Variants in BNC2 observed in about 807,000 individuals in gnomAD.
BNC2 encodes the protein zinc finger protein basonuclin-2.
A neutral mutation model predicts 76.3 loss-of-function variants in BNC2; 20 were observed. That is an observed-to-expected ratio of 0.26 (90% CI 0.18 to 0.38). The LOEUF is 0.38. Among genes scored for constraint, BNC2 ranks in the 10% least tolerant of loss-of-function variants. The probability of loss-of-function intolerance (pLI) is 1.00; values close to 1 mark genes in which losing one functional copy is unlikely to be tolerated. For synonymous variants in BNC2, 582 were observed against 514.8 expected (o/e 1.13, Z -1.77); for missense variants, 1,382 against 1,399.8 (o/e 0.99, Z 0.20).
chr9:16,759,896 T>G (rs1385258066), intron 1 of BNC2, among the ~76,000 whole-genome samples: 1 of 152,114 alleles, frequency 6.6e-6, no homozygotes, highest in Non-Finnish European at 1.5e-5. Context: ...GCTAATTTTT[T>G]GTATTTTCAG....
rs34820417 is a variant in BNC2 at position 16,749,795 on chromosome 9, G to A, written c.4-11310C>T. On this transcript the variant is annotated intron_variant, in intron 1 of 6. Coordinates refer to ENST00000380672, the MANE Select transcript of BNC2 (RefSeq NM_017637.6). ...TTAATAAGACATGAGATTAGAAAGCGTATATACAGGCAAACTGTAGAGGCC... is the reference window on the plus strand; with the variant it reads ...TTAATAAGACATGAGATTAGAAAGCATATATACAGGCAAACTGTAGAGGCC... Among the ~76,000 whole-genome samples the A allele has an allele frequency of 9.9e-5, 15 of 152,090 alleles. 1 individual carries two copies. The East Asian group carries it at 1.3e-3, about 14-fold the overall frequency.
chr9:16,600,965 T>C (rs1390285343), intron 3 of BNC2, among the ~76,000 whole-genome samples: 1 of 152,160 alleles, frequency 6.6e-6, no homozygotes, highest in East Asian at 1.9e-4. Flanking sequence ...TTGCTTTAAT[T>C]TGGGATCACA....
intron 1 of BNC2, among the ~76,000 whole-genome samples, chr9:16,758,732 T>C (rs913813659): frequency 2.6e-5 from 4 of 152,144 alleles, no homozygotes; most frequent in Non-Finnish European, 1.5e-5. Context: ...TACAAAAATG[T>C]TAGGTTAGCA....
chr9:16,629,719 T>C (rs2133713044), intron 3 of BNC2, among the ~76,000 whole-genome samples: 1 of 152,310 alleles, frequency 6.6e-6, no homozygotes, highest in African/African-American at 2.4e-5. Flanking sequence ...CTGTAGTCTA[T>C]TAAGTGTGCA....
intron 3 of BNC2, among the ~76,000 whole-genome samples, chr9:16,590,354 G>T (rs1463639747): frequency 6.6e-6 from 1 of 151,904 alleles, no homozygotes; most frequent in African/African-American, 2.4e-5. Context: ...CATCATGGCT[G>T]GCTAATTTTG....
At chr9:16,752,048 A>G (rs1415386007) in intron 1 of BNC2, among the ~76,000 whole-genome samples, 1 of 152,144 alleles carries the variant, frequency 6.6e-6, no homozygotes, top group East Asian at 1.9e-4. Flanking sequence ...TTTCATCTTA[A>G]TAACATAAAG....
At position 16,419,484 on chromosome 9, in the gene BNC2, G is replaced by A; in HGVS notation, c.2805C>T (p.Ala935=). ...HPMGLDVRED[A]SSPAGTEDSH... is the part of the protein sequence containing the mutation. ...AGTCTTCAGTCCCTGCGGGAGAGGA[G>A]GCGTCTTCCCTGACATCGAGCCCCA... Residue 935 remains alanine (A), a synonymous_variant, in exon 7 of 7, where the codon GCC becomes GCT. Coordinates refer to ENST00000380672, the MANE Select transcript of BNC2 (RefSeq NM_017637.6). 1 of 1,614,110 alleles carries A rather than the reference G, an allele frequency of 6.2e-7. No individual in the cohort carries two copies. Among genetic ancestry groups the A allele is most frequent in the Non-Finnish European group, 8.5e-7 (1 of 1,180,000 alleles).
intron 1 of BNC2, among the ~76,000 whole-genome samples, chr9:16,836,070 A>G (rs1818699318): frequency 6.6e-6 from 1 of 152,196 alleles, no homozygotes; most frequent in African/African-American, 2.4e-5. Flanking sequence ...TAATCTCTAA[A>G]GGCCTACAGG....
At chr9:16,777,248 G>A (rs1193777131) in intron 1 of BNC2, among the ~76,000 whole-genome samples, 1 of 152,144 alleles carries the variant, frequency 6.6e-6, no homozygotes, top group African/African-American at 2.4e-5. Context: ...AATGGATGTG[G>A]GGGTATGAAC....
In BNC2 at chr9:16,739,844, T is replaced by C. The variant is rs1305358869; in HGVS notation, c.4-1359A>G. Among the ~76,000 whole-genome samples the C allele has an allele frequency of 7.2e-5, 11 of 151,892 alleles. No homozygotes were observed. The East Asian group carries it at 1.9e-3, about 27-fold the overall frequency. ...TTCTAATAGTCTGAGCACAGGAAAA[T>C]GGTAGCATTATCAACAGAAAGGGGG... is the stretch of plus-strand genomic sequence containing the variant. On this transcript the variant is annotated intron_variant, in intron 1 of 6. Transcript: ENST00000380672.
At chr9:16,499,993 T>A (rs1822484834) in intron 5 of BNC2, among the ~76,000 whole-genome samples, 1 of 152,082 alleles carries the variant, frequency 6.6e-6, no homozygotes, top group African/African-American at 2.4e-5. Flanking sequence ...AATCCCAGAC[T>A]ATGAAATGGG....
At chr9:16,837,364 C>T (rs1301942668) in intron 1 of BNC2, among the ~76,000 whole-genome samples, 6 of 152,022 alleles carry the variant, frequency 3.9e-5, no homozygotes, top group African/African-American at 1.4e-4. Context: ...ATTAGCCGAG[C>T]GTGGTGGCAG....
At chr9:16,670,299 T>C (rs912977693) in intron 3 of BNC2, among the ~76,000 whole-genome samples, 1 of 152,022 alleles carries the variant, frequency 6.6e-6, no homozygotes, top group Admixed American at 6.6e-5. Context: ...ATTTAGAATA[T>C]ACATATAGAA....
chr9:16,842,518 T>C (rs1174974415), intron 1 of BNC2, among the ~76,000 whole-genome samples: 1 of 152,160 alleles, frequency 6.6e-6, no homozygotes, highest in Non-Finnish European at 1.5e-5. Flanking sequence ...AGGATAGAGT[T>C]TCTCTGTGGA....
At chr9:16,642,583 T>C (rs1030410330) in intron 3 of BNC2, among the ~76,000 whole-genome samples, 1 of 152,200 alleles carries the variant, frequency 6.6e-6, no homozygotes, top group Non-Finnish European at 1.5e-5. Flanking sequence ...ACAAAATCTT[T>C]GAAGCAAATC....
In BNC2 at chr9:16,725,725, C is replaced by A. The variant is rs947224493; in HGVS notation, c.330+2072G>T. On this transcript the variant is annotated intron_variant, in intron 3 of 6. Transcript: ENST00000380672. ...GGTACACACAAAATATCCACACAGT[C>A]AGACAGCTGGATCAAAGACATCATA... 2.9e-4 allele frequency among the ~76,000 whole-genome samples: 25 copies of A among 86,486 alleles called. 1 individual carries two copies. Among genetic ancestry groups the A allele is most frequent in the Admixed American group, 9.9e-4 (7 of 7,054 alleles). 56.7% of individuals were successfully genotyped at this position (86,486 alleles called of 152,430 possible).
Position 16,724,961 on chromosome 9 carries a change from T to C in BNC2, c.330+2836A>G, listed in dbSNP as rs1049508033. ...GTTTTTATACTATTAAAGAAAACTTTAAAAAAAATAACCCAATAAATTTTA... is the reference window on the plus strand; with the variant it reads ...GTTTTTATACTATTAAAGAAAACTTCAAAAAAAATAACCCAATAAATTTTA... On this transcript the variant is annotated intron_variant, in intron 3 of 6. Transcript: ENST00000380672. Among the ~76,000 whole-genome samples, 5 of 151,918 alleles carry C rather than the reference T, an allele frequency of 3.3e-5. No homozygotes were observed. The East Asian group carries it at 9.7e-4, about 29-fold the overall frequency.
chr9:16,833,321 C>G (rs1818627166), intron 1 of BNC2, among the ~76,000 whole-genome samples: 2 of 152,110 alleles, frequency 1.3e-5, no homozygotes, highest in Admixed American at 1.3e-4. Flanking sequence ...CCTTCTGTCC[C>G]TGTAAGCATT....
At chr9:16,689,750 G>A (rs1414283200) in intron 3 of BNC2, among the ~76,000 whole-genome samples, 1 of 152,044 alleles carries the variant, frequency 6.6e-6, no homozygotes, top group Non-Finnish European at 1.5e-5. Flanking sequence ...AAGCCAAAAG[G>A]AAGACCCAAT....
Sources: gnomAD v4.1 joint callset for allele counts (sites outside exome capture counted in the v4.1 genomes callset) on GRCh38, gnomAD v4.1.1 for gene constraint, MANE v1.5 for transcripts, NCBI Gene and HGNC (gene_info 2026-07-23, HGNC 2026-07-21) for gene names.